The following RNF185 variants were observed in gnomAD, a reference collection of about 807,000 sequenced individuals.
RNF185 encodes the protein ring finger protein 185.
In RNF185, 13 loss-of-function variants were observed where a neutral mutation model predicts 24.9. The observed-to-expected ratio is 0.52, with a 90% CI of 0.34 to 0.83. The LOEUF (loss-of-function observed/expected upper bound fraction) is 0.83, where lower values mean the gene tolerates loss of function less well. Ranked by LOEUF, RNF185 falls within the 40% of genes least tolerant of loss-of-function variation. The pLI is 0.01. For missense variants in RNF185, 184 were observed against 244.7 expected (o/e 0.75, Z 1.65); for synonymous variants, 79 against 90.3 (o/e 0.88, Z 0.71).
chr22:31,165,654 C>T (rs192378954), intron 1 of RNF185, among the ~76,000 whole-genome samples: 90 of 152,332 alleles, frequency 5.9e-4, no homozygotes, highest in African/African-American at 2.1e-3. Context: ...AACCCAGCCA[C>T]TTCTGGCCAT....
chr22:31,197,646 C>T (rs1392159074), intron 5 of RNF185, among the ~76,000 whole-genome samples: 1 of 152,224 alleles, frequency 6.6e-6, no homozygotes, highest in Non-Finnish European at 1.5e-5. Flanking sequence ...GCCTCGACCT[C>T]CTGGGCTCAG....
chr22:31,181,117 G>T (rs1038408591), intron 1 of RNF185, among the ~76,000 whole-genome samples: 1 of 152,106 alleles, frequency 6.6e-6, no homozygotes, highest in Non-Finnish European at 1.5e-5. Flanking sequence ...GGAGGCTGAG[G>T]CAGGAGAATT....
At chr22:31,172,383 A>C (rs753766427) in intron 1 of RNF185, among the ~76,000 whole-genome samples, 2 of 152,090 alleles carry the variant, frequency 1.3e-5, no homozygotes, top group African/African-American at 2.4e-5. Context: ...ATGAATTCAG[A>C]ATATTAATCT....
At chr22:31,172,824 A>C (rs1024961620) in intron 1 of RNF185, among the ~76,000 whole-genome samples, 1 of 151,522 alleles carries the variant, frequency 6.6e-6, no homozygotes, top group African/African-American at 2.4e-5. Context: ...TGGAACAATT[A>C]TTCCCCATTT....
intron 5 of RNF185, among the ~76,000 whole-genome samples, chr22:31,198,517 G>T (rs1008943429): frequency 3.4e-5 from 5 of 148,294 alleles, no homozygotes; most frequent in African/African-American, 9.9e-5. Context: ...TTCTGCCTCA[G>T]CCTCCAGAGT....
intron 1 of RNF185, among the ~76,000 whole-genome samples, chr22:31,165,198 G>A (rs1292680214): frequency 6.6e-6 from 1 of 152,062 alleles, no homozygotes; most frequent in African/African-American, 2.4e-5. Context: ...GATTACAGGT[G>A]TGAGCCACTG....
chr22:31,192,799 C>CACAAGCAGGGCAGAT, intron 3 of RNF185, 97 bp downstream of exon 3: 1 of 1,153,452 alleles, frequency 8.7e-7, no homozygotes, highest in Non-Finnish European at 1.3e-6. Context: ...GCAATCTGCC[C>CACAAGCAGGGCAGAT]TGCTTGTGGG....
At chr22:31,165,914 C>T (rs1923894592) in intron 1 of RNF185, among the ~76,000 whole-genome samples, 1 of 152,186 alleles carries the variant, frequency 6.6e-6, no homozygotes, top group East Asian at 1.9e-4. Context: ...TGGCCATAAC[C>T]AAACCATCTT....
chr22:31,185,812 G>C (rs1211306292), intron 1 of RNF185, among the ~76,000 whole-genome samples: 3 of 152,166 alleles, frequency 2.0e-5, no homozygotes, highest in African/African-American at 7.2e-5. Flanking sequence ...ACTCCTGGCT[G>C]GGTTCTTTGA....
In RNF185 at chr22:31,206,023, G is replaced by A. The variant is rs551625649; in HGVS notation, c.*1437G>A. On this transcript the variant is annotated 3_prime_UTR_variant, in exon 7 of 7. Transcript: ENST00000326132. The stretch of plus-strand genomic sequence containing the variant: ...CTTTCTGGAGACCCCAAAGCTGGAG[G>A]GAGATGGGCTTTCCTCTGGGCCTCT... 1.3e-5 allele frequency: 2 copies of A among 154,782 alleles called. No homozygotes were observed. The highest frequency in any genetic ancestry group is 4.8e-5 in the African/African-American group (2 of 41,640). The allele number at this position is 154,782 out of a possible 1,614,324, so 9.6% of individuals were successfully genotyped here.
intron 1 of RNF185, among the ~76,000 whole-genome samples, chr22:31,168,823 C>A (rs1924097432): frequency 6.6e-6 from 1 of 152,114 alleles, no homozygotes. Flanking sequence ...GTTGAGCACC[C>A]TTCTGTGTAC....
At chr22:31,193,321 A>G (rs2048173492) in intron 3 of RNF185, among the ~76,000 whole-genome samples, 1 of 152,218 alleles carries the variant, frequency 6.6e-6, no homozygotes, top group Admixed American at 6.5e-5. Flanking sequence ...AGGTGGGAAC[A>G]GGGCTGCACA....
At chr22:31,188,528 A>G (rs2048121628) in intron 2 of RNF185, among the ~76,000 whole-genome samples, 1 of 152,180 alleles carries the variant, frequency 6.6e-6, no homozygotes, top group African/African-American at 2.4e-5. Flanking sequence ...AACATAAAAA[A>G]TGTGTACAGC....
Position 31,195,068 on chromosome 22 carries a change from T to A in RNF185, c.196-401T>A, listed in dbSNP as rs1047345925. ...CCCGGGTTCAAGCGATTCTCCTCCC[T>A]CAGCCTCCCGAGTAGCTGGAACTAC... On this transcript the variant is annotated intron_variant, in intron 3 of 6. Coordinates refer to ENST00000326132, the MANE Select transcript of RNF185 (RefSeq NM_152267.4). Among the ~76,000 whole-genome samples the A allele has an allele frequency of 2.0e-5, 3 of 152,102 alleles. No individual in the cohort carries two copies. The East Asian group carries it at 5.8e-4, about 29-fold the overall frequency.
At chr22:31,170,802 G>T (rs568821812) in intron 1 of RNF185, among the ~76,000 whole-genome samples, 1 of 152,112 alleles carries the variant, frequency 6.6e-6, no homozygotes, top group Admixed American at 6.6e-5. Context: ...GAGCCACCAC[G>T]CCTGGCCAGG....
rs76019870 is a variant in RNF185 at position 31,178,255 on chromosome 22, C to T, written c.-48-8792C>T. The stretch of plus-strand genomic sequence containing the variant: ...CTGAATTCAGCAGATTTGTCCCTTA[C>T]CCCCCAAGTTTATCTGACCTCTCTG... On this transcript the variant is annotated intron_variant, in intron 1 of 6. Transcript: ENST00000326132. Among the ~76,000 whole-genome samples, 755 of 152,294 alleles carry T rather than the reference C, an allele frequency of 5.0e-3. 4 individuals are homozygous for T. Among genetic ancestry groups the T allele is most frequent in the Non-Finnish European group, 7.7e-3 (524 of 68,030 alleles).
chr22:31,196,883 G>A, intron 4 of RNF185, 53 bp from the exon 5 acceptor site: 2 of 1,603,610 alleles, frequency 1.2e-6, no homozygotes, highest in Non-Finnish European at 1.7e-6. Context: ...TCCTCACAGG[G>A]AGCAACTCAA....
intron 4 of RNF185, among the ~76,000 whole-genome samples, 197 bp downstream of exon 4, chr22:31,195,778 T>C (rs1016870992): frequency 7.9e-5 from 12 of 152,086 alleles, no homozygotes; most frequent in African/African-American, 2.7e-4. Flanking sequence ...GACCCAGCAG[T>C]GAACAGACAT....
chr22:31,186,806 C>T (rs1047031341), intron 1 of RNF185, among the ~76,000 whole-genome samples: 1 of 152,158 alleles, frequency 6.6e-6, no homozygotes, highest in Non-Finnish European at 1.5e-5. Context: ...GGAGGCTGCT[C>T]TGTATTTGGT....
Sources: allele counts gnomAD v4.1 joint callset (sites outside exome capture counted in the v4.1 genomes callset), GRCh38; gene constraint gnomAD v4.1.1; transcripts MANE v1.5; gene names NCBI Gene and HGNC (gene_info 2026-07-23, HGNC 2026-07-21).